SLITRK5: variants seen among roughly 807,000 people sequenced by gnomAD.
The protein encoded by SLITRK5 is SLIT and NTRK like family member 5.
SLITRK5 carries 23 observed loss-of-function variants against 56.2 expected under a neutral mutation model. The ratio of observed to expected loss-of-function variants is 0.41; its 90% CI spans 0.29 to 0.58. The LOEUF (loss-of-function observed/expected upper bound fraction) is 0.58. Among genes scored for constraint, SLITRK5 ranks in the 20% least tolerant of loss-of-function variants. The probability of loss-of-function intolerance (pLI) is 0.30; values close to 1 mark genes in which losing one functional copy is unlikely to be tolerated. For synonymous variants in SLITRK5, 637 were observed against 531.8 expected (o/e 1.20, Z -2.72); for missense variants, 1,289 against 1,226.6 (o/e 1.05, Z -0.76).
In SLITRK5 at chr13:87,671,617, T is replaced by C. The variant is rs1877027156; in HGVS notation, c.-601T>C. ...AGCCACAGGCATAGAACGACGCGGT[T>C]GCTGCCCGCCCCCCCCTTCCCCCAG... On this transcript the variant is annotated 5_prime_UTR_variant, in exon 1 of 2. Transcript: ENST00000683689. 6.6e-6 allele frequency among the ~76,000 whole-genome samples: 1 copy of C among 152,018 alleles called. No homozygotes were observed.
chr13:87,677,286 G>A lies in SLITRK5; in HGVS notation c.1898G>A (p.Arg633Lys), dbSNP rs1877320991. The A allele has an allele frequency of 2.5e-6, 4 of 1,614,186 alleles. No homozygotes were observed. The highest frequency in any genetic ancestry group is 2.2e-5 in the East Asian group (1 of 44,854). The stretch of plus-strand genomic sequence containing the variant: ...CCCTCCTCTATCCAGGTCCCTGCGA[G>A]GACCAGCGCCGTGACTCCTGCGGTC... ...PTPSSIQVPA[R>K]TSAVTPAVRL... Residue 633 changes from arginine (R) to lysine (K), a missense_variant, in exon 2 of 2, where the codon AGG (arginine) becomes AAG (lysine). By Grantham distance (26) the Arg-to-Lys change is conservative. This residue lies in a region of SLITRK5 where 985 missense variants were observed against 906.0 expected (regional missense o/e 1.09). Transcript: ENST00000683689. The surrounding 1 kb of genome is among the most constrained non-coding windows in gnomAD (Gnocchi z 4.7).
intron 1 of SLITRK5, among the ~76,000 whole-genome samples, chr13:87,674,007 A>AACACAAAC (rs1877161213): frequency 7.0e-6 from 1 of 142,496 alleles, no homozygotes; most frequent in East Asian, 2.1e-4. Flanking sequence ...CGCACACACA[A>AACACAAAC]ACACACACAC....
At chr13:87,673,856 T>C (rs1233561764) in intron 1 of SLITRK5, among the ~76,000 whole-genome samples, 1 of 152,110 alleles carries the variant, frequency 6.6e-6, no homozygotes, top group Non-Finnish European at 1.5e-5. Context: ...ATCTTGGCTT[T>C]AGTTTGGAGT....
At chr13:87,675,207 T>C (rs890612814) in intron 1 of SLITRK5, among the ~76,000 whole-genome samples, 174 bp from the exon 2 acceptor site, 2 of 152,192 alleles carry the variant, frequency 1.3e-5, no homozygotes, top group Non-Finnish European at 2.9e-5. Context: ...AAATGTATAA[T>C]AGATTTTAAT....
At position 87,676,189 on chromosome 13, in the gene SLITRK5, C is replaced by T. The variant is rs762445401; in HGVS notation, c.801C>T (p.Pro267=). ...TGGGGGATGTAGTTTGTGAGACCCC[C>T]TTCCGCTTACACGGAAGGGACTTGG... is the stretch of plus-strand genomic sequence containing the variant. ...ALVGDVVCET[P]FRLHGRDLDE... The change falls in exon 2 of 2, where the codon CCC becomes CCT. Residue 267 remains proline (P), a synonymous_variant. Transcript: ENST00000683689. 2.5e-6 allele frequency: 4 copies of T among 1,614,106 alleles called. No individual in the cohort carries two copies. The highest frequency in any genetic ancestry group is 3.4e-6 in the Non-Finnish European group (4 of 1,180,016).
rs917134977 is a variant in SLITRK5 at position 87,678,080 on chromosome 13, C to T, written c.2692C>T (p.Pro898Ser). 6.2e-7 allele frequency: 1 copy of T among 1,614,080 alleles called. No homozygotes were observed. Among genetic ancestry groups the T allele is most frequent in the African/African-American group, 1.3e-5 (1 of 74,942 alleles). Residue 898 changes from proline to serine, a missense_variant, in exon 2 of 2, where the codon CCC becomes TCC. This residue lies in a region of SLITRK5 where 985 missense variants were observed against 906.0 expected (regional missense o/e 1.09). Coordinates refer to ENST00000683689, the MANE Select transcript of SLITRK5 (RefSeq NM_001384609.1). Reference protein sequence around the residue: ...TFSPNYDLRRPHQYLHPGAGD... With the variant: ...TFSPNYDLRRSHQYLHPGAGD... ...CTCCCCCAACTATGACCTGAGACGC[C>T]CCCATCAGTATTTGCACCCGGGGGC... is the stretch of plus-strand genomic sequence containing the variant.
Position 87,677,285 on chromosome 13 carries a change from A to T in SLITRK5, c.1897A>T (p.Arg633Trp). 2.5e-6 allele frequency: 4 copies of T among 1,614,174 alleles called. No individual in the cohort carries two copies. The highest frequency in any genetic ancestry group is 3.4e-6 in the Non-Finnish European group (4 of 1,180,032). The change falls in exon 2 of 2, where the codon AGG becomes TGG. Residue 633 changes from arginine to tryptophan, a missense_variant. This residue lies in a region of SLITRK5 where 985 missense variants were observed against 906.0 expected (regional missense o/e 1.09). Transcript: ENST00000683689. This position sits in a 1 kb window ranked among gnomAD's most constrained non-coding sequence, Gnocchi z 4.7. ...PTPSSIQVPA[R>W]TSAVTPAVRL... ...ACCCTCCTCTATCCAGGTCCCTGCG[A>T]GGACCAGCGCCGTGACTCCTGCGGT...
In SLITRK5 at chr13:87,671,373, C is replaced by T. The variant is rs972224566; in HGVS notation, c.-845C>T. The T allele has an allele frequency of 6.6e-6, 1 of 152,390 alleles. No individual in the cohort carries two copies. Among genetic ancestry groups the T allele is most frequent in the East Asian group, 1.9e-4 (1 of 5,132 alleles). The allele number at this position is 152,390 out of a possible 1,614,324, so 9.4% of individuals were successfully genotyped here. A position where few individuals can be genotyped will look rare whatever the true frequency, so the allele number is the denominator to read the frequency against. On this transcript the variant is annotated 5_prime_UTR_variant, in exon 1 of 2. Transcript: ENST00000683689. ...CCCTCGGCTGCCATCTATCGGCCAC[C>T]GAGCGCCCGCTTCGCCCCGGGCCCA...
chr13:87,674,881 T>C (rs1262253816), intron 1 of SLITRK5, among the ~76,000 whole-genome samples: 1 of 151,812 alleles, frequency 6.6e-6, no homozygotes, highest in Non-Finnish European at 1.5e-5. Flanking sequence ...CCCAAGTATT[T>C]TGGCTCCTTG....
chr13:87,673,506 AG>A (rs1011184933), intron 1 of SLITRK5: 1 of 668,532 alleles, frequency 1.5e-6, no homozygotes, highest in Non-Finnish European at 2.1e-6. Flanking sequence ...ACAGGGAGGG[AG>A]GGGGAGGGGA....
At position 87,675,756 on chromosome 13, in the gene SLITRK5, G is replaced by A. The variant is rs1302195301; in HGVS notation, c.368G>A (p.Gly123Glu). Reference protein sequence around the residue: ...GSNVIQDIETGAFHGLRGLRR... With the variant: ...GSNVIQDIETEAFHGLRGLRR... ...AATGTTATCCAGGACATTGAGACCG[G>A]GGCTTTCCATGGGCTACGGGGTTTG... is the stretch of plus-strand genomic sequence containing the variant. Residue 123 changes from glycine (G) to glutamate (E), a missense_variant, in exon 2 of 2, where the codon GGG (glycine) becomes GAG (glutamate). Around this residue, in one of 3 missense-constraint regions of SLITRK5, gnomAD observed 291 missense variants for 286.7 expected, o/e 1.02. Transcript: ENST00000683689. The A allele has an allele frequency of 6.2e-7, 1 of 1,614,008 alleles. No homozygotes were observed. Among genetic ancestry groups the A allele is most frequent in the Non-Finnish European group, 8.5e-7 (1 of 1,180,034 alleles).
chr13:87,671,556 C>T lies in SLITRK5; in HGVS notation c.-662C>T, dbSNP rs1007903646. Among the ~76,000 whole-genome samples the T allele has an allele frequency of 2.6e-5, 4 of 152,024 alleles. No homozygotes were observed. The highest frequency in any genetic ancestry group is 2.1e-4 in the South Asian group (1 of 4,822). On this transcript the variant is annotated 5_prime_UTR_variant, in exon 1 of 2. Coordinates refer to ENST00000683689, the MANE Select transcript of SLITRK5 (RefSeq NM_001384609.1). ...GCCCGGGAGGAAGACGCAACTTTCTCGGAGTTTTTTTTAGAGCCACCGGGC... is the reference window on the plus strand; with the variant it reads ...GCCCGGGAGGAAGACGCAACTTTCTTGGAGTTTTTTTTAGAGCCACCGGGC...
rs937196820 is a variant in SLITRK5 at position 87,672,100 on chromosome 13, G to T, written c.-118G>T. Among the ~76,000 whole-genome samples the T allele has an allele frequency of 6.6e-6, 1 of 152,066 alleles. No homozygotes were observed. Among genetic ancestry groups the T allele is most frequent in the Non-Finnish European group, 1.5e-5 (1 of 67,998 alleles). On this transcript the variant is annotated 5_prime_UTR_variant, in exon 1 of 2. Coordinates refer to ENST00000683689, the MANE Select transcript of SLITRK5 (RefSeq NM_001384609.1). ...GAGGAGAGCCGAGGGGGGAGGGGAG[G>T]GCCGGCCGGCGCGAACCCAGGCCGG...
chr13:87,677,780 C>T lies in SLITRK5; in HGVS notation c.2392C>T (p.Pro798Ser). 1 of 1,608,144 alleles carries T rather than the reference C, an allele frequency of 6.2e-7. No individual in the cohort carries two copies. Among genetic ancestry groups the T allele is most frequent in the Non-Finnish European group, 8.5e-7 (1 of 1,177,036 alleles). Reference protein sequence around the residue: ...SNHHLQQQQQPPPPPQQPQQQ... With the variant: ...SNHHLQQQQQSPPPPQQPQQQ... ...CCACCACCTGCAGCAGCAGCAGCAG[C>T]CGCCGCCGCCACCGCAGCAGCCACA... Residue 798 changes from proline (P) to serine (S), a missense_variant, in exon 2 of 2, where the codon CCG becomes TCG. By Grantham distance (74) the Pro-to-Ser change is moderately conservative. Transcript: ENST00000683689. This position sits in a 1 kb window ranked among gnomAD's most constrained non-coding sequence, Gnocchi z 4.7.
Position 87,678,492 on chromosome 13 carries a change from G to T in SLITRK5, c.*227G>T. 1 of 568,974 alleles carries T rather than the reference G, an allele frequency of 1.8e-6. No homozygotes were observed. The highest frequency in any genetic ancestry group is 3.2e-6 in the Non-Finnish European group (1 of 314,730). 35.2% of individuals were successfully genotyped at this position (568,974 alleles called of 1,614,324 possible). A position where few individuals can be genotyped will look rare whatever the true frequency, so the allele number is the denominator to read the frequency against. On this transcript the variant is annotated 3_prime_UTR_variant, in exon 2 of 2. Transcript: ENST00000683689. ...TGGGCACATCACTTTCTCTTCTTGC[G>T]TGTGGGGCAGGTGTGGAGAAGGGCT...
rs1231411871 is a variant in SLITRK5 at position 87,676,105 on chromosome 13, T to C, written c.717T>C (p.Cys239=). 6.2e-7 allele frequency: 1 copy of C among 1,613,984 alleles called. No individual in the cohort carries two copies. Among genetic ancestry groups the C allele is most frequent in the African/African-American group, 1.3e-5 (1 of 74,900 alleles). ...AGCTGGAGGAAAACCCTTGGAATTG[T>C]TCTTGTGAGCTGATCTCTCTAAAGG... The part of the protein sequence containing the change: ...ELQLEENPWN[C]SCELISLKDW... Residue 239 remains cysteine, a synonymous_variant, in exon 2 of 2, where the codon TGT becomes TGC. Coordinates refer to ENST00000683689, the MANE Select transcript of SLITRK5 (RefSeq NM_001384609.1).
At chr13:87,672,810 G>C (rs1041913768) in intron 1 of SLITRK5, 1 of 156,024 alleles carries the variant, frequency 6.4e-6, no homozygotes, top group Admixed American at 6.5e-5. Context: ...ACTGGGCCTT[G>C]GAGATGTGAG....
chr13:87,674,668 A>T (rs1315740460), intron 1 of SLITRK5, among the ~76,000 whole-genome samples: 2 of 152,170 alleles, frequency 1.3e-5, no homozygotes, highest in Non-Finnish European at 2.9e-5. Context: ...TAGGACGCTG[A>T]TGTGCTTTAA....
rs537351293 is a variant in SLITRK5, at chr13:87,678,273, G to T, written c.*8G>T. Reference sequence around the variant, plus strand: ...ACGTTTAGCCAGTTCTAAAAGCAAAGAAACTCTCTTGGAGCTTTTGCATTT... The same window carrying T: ...ACGTTTAGCCAGTTCTAAAAGCAAATAAACTCTCTTGGAGCTTTTGCATTT... On this transcript the variant is annotated 3_prime_UTR_variant, in exon 2 of 2. Transcript: ENST00000683689. The T allele has an allele frequency of 1.8e-4, 290 of 1,592,930 alleles. No homozygotes were observed. The South Asian group carries it at 2.7e-3, about 15-fold the overall frequency.
Sources: allele counts gnomAD v4.1 joint callset (sites outside exome capture counted in the v4.1 genomes callset), GRCh38; gene constraint gnomAD v4.1.1; regional missense constraint gnomAD v4.1.1; non-coding constraint Gnocchi (gnomAD v3.1); transcripts MANE v1.5; gene names NCBI Gene and HGNC (gene_info 2026-07-23, HGNC 2026-07-21).